OVOL3: variants seen among roughly 807,000 people sequenced by gnomAD.
The protein encoded by OVOL3 is ovo like zinc finger 3.
A neutral mutation model predicts 13.6 loss-of-function variants in OVOL3; 15 were observed. The observed-to-expected ratio is 1.11, with a 90% CI of 0.74 to 1.70. OVOL3 has a LOEUF of 1.70. Among genes scored for constraint, OVOL3 ranks in the 40% most tolerant of loss-of-function variants. The pLI is 0.00. For missense variants in OVOL3, 290 were observed against 280.6 expected, an observed-to-expected ratio of 1.03 and a Z score of -0.24; for synonymous variants, 102 against 108.5, an observed-to-expected ratio of 0.94 and a Z score of 0.37.
In OVOL3 at chr19:36,112,880, C is replaced by T; in HGVS notation, c.280C>T (p.Pro94Ser). Residue 94 changes from proline (P) to serine (S), a missense_variant, in exon 3 of 4, where the codon CCC (proline) becomes TCC (serine). Pro to Ser is a moderately conservative substitution (Grantham distance 74, BLOSUM62 -1). Coordinates refer to ENST00000633214, the MANE Select transcript of OVOL3 (RefSeq NM_001302757.2). ...MLTRHLKCHS[P>S]VRRHLCRCCG... ...GACAAGGCACCTCAAGTGCCACAGC[C>T]CCGTGCGCCGCCACCTGTGCCGCTG... 4 of 1,536,162 alleles carry T rather than the reference C, an allele frequency of 2.6e-6. No homozygotes were observed. Among genetic ancestry groups the T allele is most frequent in the South Asian group, 1.2e-5 (1 of 84,060 alleles).
chr19:36,111,771 C>A (rs1256666948), intron 2 of OVOL3: 2 of 517,836 alleles, frequency 3.9e-6, no homozygotes, highest in African/African-American at 3.8e-5. Flanking sequence ...TTCAGCTGTG[C>A]ATGCATTGGA....
chr19:36,113,322 G>T lies in OVOL3; in HGVS notation c.365-131G>T, dbSNP rs923870578. 86 of 949,816 alleles carry T rather than the reference G, an allele frequency of 9.1e-5. No individual in the cohort carries two copies. The Middle Eastern group carries it at 3.2e-3, about 36-fold the overall frequency. 58.8% of individuals were successfully genotyped at this position (949,816 alleles called of 1,614,324 possible). Reference sequence around the variant, plus strand: ...GTGACGGTAGCAGATGGTGGGTCATGGGCGGAAGAGTCTGAAGAGCTTGGA... The same window carrying T: ...GTGACGGTAGCAGATGGTGGGTCATTGGCGGAAGAGTCTGAAGAGCTTGGA... On this transcript the variant is annotated intron_variant, in intron 3 of 3. Coordinates refer to ENST00000633214, the MANE Select transcript of OVOL3 (RefSeq NM_001302757.2).
At chr19:36,113,070 G>C (rs770257075) in intron 3 of OVOL3, 106 bp downstream of exon 3, 14 of 1,230,640 alleles carry the variant, frequency 1.1e-5, no homozygotes, top group Non-Finnish European at 1.6e-5. Flanking sequence ...GTGTATGTGG[G>C]GTATGGAGAA....
In OVOL3 at chr19:36,113,639, G is replaced by A. The variant is rs1208136669; in HGVS notation, c.551G>A (p.Arg184His). Residue 184 changes from arginine to histidine, a missense_variant, in exon 4 of 4, where the codon CGC becomes CAC. By Grantham distance (29) the Arg-to-His change is conservative (BLOSUM62 0). Transcript: ENST00000633214. ...CGGCCCGACACCTACGCACAGCACCGCGCCCTGCACCGCGCAGCCTGATAC... is the reference window on the plus strand; with the variant it reads ...CGGCCCGACACCTACGCACAGCACCACGCCCTGCACCGCGCAGCCTGATAC... ...SSRPDTYAQH[R>H]ALHRAA 1 of 1,547,674 alleles carries A rather than the reference G, an allele frequency of 6.5e-7. No individual in the cohort carries two copies. Among genetic ancestry groups the A allele is most frequent in the South Asian group, 1.2e-5 (1 of 84,044 alleles).
intron 2 of OVOL3, among the ~76,000 whole-genome samples, chr19:36,112,320 G>GACC (rs2145900866): frequency 6.6e-6 from 1 of 152,276 alleles, no homozygotes; most frequent in African/African-American, 2.4e-5. Flanking sequence ...AGGAATTCAA[G>GACC]ACCAGCCTGG....
chr19:36,112,649 C>A, intron 2 of OVOL3, 111 bp from the exon 3 acceptor site: 1 of 988,222 alleles, frequency 1.0e-6, no homozygotes, highest in Non-Finnish European at 1.5e-6. Context: ...TCCCACCTGC[C>A]TTCCTAATCC....
intron 2 of OVOL3, 100 bp from the exon 3 acceptor site, chr19:36,112,660 T>A: frequency 9.0e-7 from 1 of 1,115,690 alleles, no homozygotes; most frequent in Non-Finnish European, 1.3e-6. Context: ...TTCCTAATCC[T>A]CCGTGGTGGC....
At position 36,112,801 on chromosome 19, in the gene OVOL3, T is replaced by A. The variant is rs2072605; in HGVS notation, c.201T>A (p.Pro67=). The change falls in exon 3 of 4, where the codon CCT becomes CCA. Residue 67 remains proline, a synonymous_variant. Transcript: ENST00000633214. The stretch of plus-strand genomic sequence containing the variant: ...ACCTGACCTCTGCTCCCAGGGGCCC[T>A]GGGACGCTGGGCTGCCCGCTCTGCC... ...QGNLTSAPRG[P]GTLGCPLCPK... is the part of the protein sequence containing the mutation. 859,324 of 1,534,890 alleles carry A rather than the reference T, an allele frequency of 0.56. 242,708 individuals carry two copies. Among genetic ancestry groups the A allele is most frequent in the African/African-American group, 0.66 (48,438 of 73,090 alleles).
In OVOL3 at chr19:36,113,638, C is replaced by T. The variant is rs1335586549; in HGVS notation, c.550C>T (p.Arg184Cys). The T allele has an allele frequency of 3.2e-6, 5 of 1,547,592 alleles. No individual in the cohort carries two copies. Among genetic ancestry groups the T allele is most frequent in the East Asian group, 4.9e-5 (2 of 40,902 alleles). Reference sequence around the variant, plus strand: ...CCGGCCCGACACCTACGCACAGCACCGCGCCCTGCACCGCGCAGCCTGATA... The same window carrying T: ...CCGGCCCGACACCTACGCACAGCACTGCGCCCTGCACCGCGCAGCCTGATA... ...SSRPDTYAQH[R>C]ALHRAA The change falls in exon 4 of 4, where the codon CGC (arginine) becomes TGC (cysteine). Residue 184 changes from arginine to cysteine, a missense_variant. By Grantham distance (180) the Arg-to-Cys change is radical. Transcript: ENST00000633214.
Position 36,113,659 on chromosome 19 carries a change from T to C in OVOL3, c.571T>C (p.Ter191ArgextTer12), listed in dbSNP as rs1310348048. ...AQHRALHRAA[*>R] is the part of the protein sequence containing the mutation. The stretch of plus-strand genomic sequence containing the variant: ...GCACCGCGCCCTGCACCGCGCAGCC[T>C]GATACGGTGTGCCAGCGTCCTCCCC... Residue 191 changes from the stop codon to arginine (R), a stop_lost, in exon 4 of 4, where the codon TGA (stop) becomes CGA (arginine). Transcript: ENST00000633214. 6.5e-7 allele frequency: 1 copy of C among 1,548,928 alleles called. No homozygotes were observed. The highest frequency in any genetic ancestry group is 2.4e-5 in the East Asian group (1 of 40,880).
chr19:36,113,386 G>C, intron 3 of OVOL3, 67 bp from the exon 4 acceptor site: 1 of 1,442,768 alleles, frequency 6.9e-7, no homozygotes, highest in Non-Finnish European at 9.4e-7. Context: ...AAGCAGGGTG[G>C]GGGCGCTTTA....
At position 36,112,350 on chromosome 19, in the gene OVOL3, T is replaced by A. The variant is rs12327787; in HGVS notation, c.160-410T>A. Among the ~76,000 whole-genome samples, 1,099 of 152,166 alleles carry A rather than the reference T, an allele frequency of 7.2e-3. 18 individuals are homozygous for A. Among genetic ancestry groups the A allele is most frequent in the African/African-American group, 0.026 (1,068 of 41,506 alleles). ...GCCTGGCCAACATGGTGAAACCCCA[T>A]CTCTACAAAAAATAAAAAAATTAAC... is the stretch of plus-strand genomic sequence containing the variant. On this transcript the variant is annotated intron_variant, in intron 2 of 3. Coordinates refer to ENST00000633214, the MANE Select transcript of OVOL3 (RefSeq NM_001302757.2).
chr19:36,113,633 AG>A lies in OVOL3; in HGVS notation c.546del (p.Gln182HisfsTer?). The A allele has an allele frequency of 6.5e-7, 1 of 1,546,674 alleles. No homozygotes were observed. The highest frequency in any genetic ancestry group is 8.7e-7 in the Non-Finnish European group (1 of 1,146,674). On this transcript the variant is annotated frameshift_variant, in exon 4 of 4. Transcript: ENST00000633214. LOFTEE classifies it high-confidence loss of function. Reference sequence around the variant, plus strand: ...AGCTCCCGGCCCGACACCTACGCACAGCACCGCGCCCTGCACCGCGCAGCCT... The same window carrying A: ...AGCTCCCGGCCCGACACCTACGCACACACCGCGCCCTGCACCGCGCAGCCT... ...FTSSRPDTYA[Q>X]HRALHRAA
chr19:36,112,327 C>T (rs889512371), intron 2 of OVOL3, among the ~76,000 whole-genome samples: 1 of 152,174 alleles, frequency 6.6e-6, no homozygotes, highest in Non-Finnish European at 1.5e-5. Context: ...CAAGACCAGC[C>T]TGGCCAACAT....
chr19:36,112,772 G>C lies in OVOL3; in HGVS notation c.172G>C (p.Gly58Arg). 1 of 1,534,174 alleles carries C rather than the reference G, an allele frequency of 6.5e-7. No homozygotes were observed. Among genetic ancestry groups the C allele is most frequent in the East Asian group, 2.4e-5 (1 of 40,892 alleles). The change falls in exon 3 of 4, where the codon GGC (glycine) becomes CGC (arginine). Residue 58 changes from glycine (G) to arginine (R), a missense_variant. Coordinates refer to ENST00000633214, the MANE Select transcript of OVOL3 (RefSeq NM_001302757.2). ...TGCATCCCTCCAGCAGCCCACACAGGGCAACCTGACCTCTGCTCCCAGGGG... is the reference window on the plus strand; with the variant it reads ...TGCATCCCTCCAGCAGCCCACACAGCGCAACCTGACCTCTGCTCCCAGGGG... ...RDPWTAQPTQ[G>R]NLTSAPRGPG...
At chr19:36,113,369 C>T (rs1973872033) in intron 3 of OVOL3, 84 bp from the exon 4 acceptor site, 3 of 1,360,564 alleles carry the variant, frequency 2.2e-6, no homozygotes, top group East Asian at 5.1e-5. Context: ...AAATGCTCAA[C>T]ACTGGAAAGC....
In OVOL3 at chr19:36,113,671, C is replaced by T; in HGVS notation, c.*10C>T. On this transcript the variant is annotated 3_prime_UTR_variant, in exon 4 of 4. Coordinates refer to ENST00000633214, the MANE Select transcript of OVOL3 (RefSeq NM_001302757.2). The stretch of plus-strand genomic sequence containing the variant: ...GCACCGCGCAGCCTGATACGGTGTG[C>T]CAGCGTCCTCCCCACGAGGCAAATA... 4 of 1,550,146 alleles carry T rather than the reference C, an allele frequency of 2.6e-6. No homozygotes were observed. Among genetic ancestry groups the T allele is most frequent in the Non-Finnish European group, 3.5e-6 (4 of 1,146,020 alleles).
rs529983063 is a variant in OVOL3 at position 36,113,101 on chromosome 19, G to A, written c.364+137G>A. On this transcript the variant is annotated intron_variant, in intron 3 of 3. Transcript: ENST00000633214. ...GAGAATCAAGACATGATGTCTCTCG[G>A]ACCCCAGTGGGTGGGTGTAAGGTGG... 3.2e-5 allele frequency: 32 copies of A among 1,001,478 alleles called. No individual in the cohort carries two copies. In the South Asian group the frequency reaches 5.1e-4, roughly 16 times the overall value. 62.0% of individuals were successfully genotyped at this position (1,001,478 alleles called of 1,614,324 possible).
At chr19:36,112,729 A>C in intron 2 of OVOL3, 31 bp from the exon 3 acceptor site, 3 of 1,508,844 alleles carry the variant, frequency 2.0e-6, no homozygotes, top group South Asian at 2.4e-5. Flanking sequence ...GGGTCCAGCC[A>C]GAGAGGCTAA....
Sources: gnomAD v4.1 joint callset for allele counts (sites outside exome capture counted in the v4.1 genomes callset) on GRCh38, gnomAD v4.1.1 for gene constraint, MANE v1.5 for transcripts, NCBI Gene and HGNC (gene_info 2026-07-23, HGNC 2026-07-21) for gene names.